AJAP1: variants seen among roughly 807,000 people sequenced by gnomAD.
AJAP1 encodes adherens junction-associated protein 1.
AJAP1 carries 5 observed loss-of-function variants against 35.0 expected under a neutral mutation model. The ratio of observed to expected loss-of-function variants is 0.14; its 90% CI spans 0.07 to 0.30. The LOEUF (loss-of-function observed/expected upper bound fraction) is 0.30, where lower values mean the gene tolerates loss of function less well. AJAP1 is among the 10% of genes least tolerant of loss of function. AJAP1 has a pLI of 1.00. For synonymous variants in AJAP1, 284 were observed against 249.3 expected (o/e 1.14, Z -1.31); for missense variants, 586 against 571.0 (o/e 1.03, Z -0.27).
chr1:4,679,436 C>T (rs1284402564), intron 1 of AJAP1, among the ~76,000 whole-genome samples: 1 of 152,162 alleles, frequency 6.6e-6, no homozygotes, highest in African/African-American at 2.4e-5. Flanking sequence ...TATTAGGGGC[C>T]TCAGATCATA....
chr1:4,743,307 G>A (rs1333871420), intron 2 of AJAP1, among the ~76,000 whole-genome samples: 1 of 152,194 alleles, frequency 6.6e-6, no homozygotes, highest in Non-Finnish European at 1.5e-5. Flanking sequence ...CAGCACAAGA[G>A]CGCACATCTT....
At chr1:4,674,793 C>T (rs1335415132) in intron 1 of AJAP1, among the ~76,000 whole-genome samples, 2 of 152,242 alleles carry the variant, frequency 1.3e-5, no homozygotes, top group Non-Finnish European at 1.5e-5. Context: ...CTGCTTGTCT[C>T]GTGTTTTGGA....
At chr1:4,765,487 T>G (rs2100352625) in intron 2 of AJAP1, among the ~76,000 whole-genome samples, 1 of 151,870 alleles carries the variant, frequency 6.6e-6, no homozygotes, top group East Asian at 1.9e-4. Context: ...GAGACATGAG[T>G]GAAGAAGGAG....
Position 4,787,607 on chromosome 1 carries a change from G to A in AJAP1, c.*5122G>A, listed in dbSNP as rs1642180088. ...AGCAAGAGTGGAAGCAGAGGGGCAG[G>A]GGCAGGGGCAGGATGAGGGCTGCTG... On this transcript the variant is annotated 3_prime_UTR_variant, in exon 6 of 6. Transcript: ENST00000378191. 1 of 444,182 alleles carries A rather than the reference G, an allele frequency of 2.3e-6. No individual in the cohort carries two copies. Among genetic ancestry groups the A allele is most frequent in the Non-Finnish European group, 4.5e-6 (1 of 220,924 alleles). The allele number at this position is 444,182 out of a possible 1,614,324, so 27.5% of individuals were successfully genotyped here.
intron 1 of AJAP1, among the ~76,000 whole-genome samples, chr1:4,676,356 G>C (rs528659112): frequency 2.6e-5 from 4 of 152,314 alleles, no homozygotes; most frequent in Non-Finnish European, 5.9e-5. Flanking sequence ...CTTTGGCAAA[G>C]AAATCCAGAA....
chr1:4,779,437 C>T (rs1009646565), intron 5 of AJAP1, among the ~76,000 whole-genome samples: 2 of 151,688 alleles, frequency 1.3e-5, no homozygotes, highest in African/African-American at 4.8e-5. Flanking sequence ...CACCTTCACA[C>T]GGGAGACTTT....
At chr1:4,683,972 G>A (rs1215399681) in intron 1 of AJAP1, among the ~76,000 whole-genome samples, 1 of 152,160 alleles carries the variant, frequency 6.6e-6, no homozygotes. Flanking sequence ...CAGACACACA[G>A]GGCAGGGTGA....
chr1:4,711,889 C>G lies in AJAP1; in HGVS notation c.30-11C>G. 2 of 1,472,820 alleles carry G rather than the reference C, an allele frequency of 1.4e-6. No homozygotes were observed. Among genetic ancestry groups the G allele is most frequent in the African/African-American group, 1.5e-5 (1 of 67,952 alleles). The allele number at this position is 1,472,820 out of a possible 1,614,324, so 91.2% of individuals were successfully genotyped here. A position where few individuals can be genotyped will look rare whatever the true frequency, so the allele number is the denominator to read the frequency against. On this transcript the variant is annotated splice_polypyrimidine_tract_variant and intron_variant, in intron 1 of 5. Transcript: ENST00000378191. ...CACTGACCGCTCTTCTCTCCTTTCCCCCCCGCACAGCTCCATGTCCATCCG... is the reference window on the plus strand; with the variant it reads ...CACTGACCGCTCTTCTCTCCTTTCCGCCCCGCACAGCTCCATGTCCATCCG...
chr1:4,774,390 A>G (rs776088735), intron 4 of AJAP1, 37 bp from the exon 5 acceptor site: 1 of 1,599,086 alleles, frequency 6.3e-7, no homozygotes, highest in Admixed American at 1.7e-5. Flanking sequence ...ATGGTCAAGT[A>G]CCAGCACGCC....
At chr1:4,700,432 C>A (rs76567602) in intron 1 of AJAP1, among the ~76,000 whole-genome samples, 1 of 152,152 alleles carries the variant, frequency 6.6e-6, no homozygotes, top group Admixed American at 6.5e-5. Context: ...CCTCCTCCCC[C>A]ACCCCAGAGG....
chr1:4,780,466 A>G (rs1440980165), intron 5 of AJAP1, among the ~76,000 whole-genome samples: 1 of 152,106 alleles, frequency 6.6e-6, no homozygotes, highest in East Asian at 1.9e-4. Context: ...TCTGTGTTGT[A>G]ATAATTACTT....
chr1:4,689,684 G>C (rs1314950526), intron 1 of AJAP1, among the ~76,000 whole-genome samples: 1 of 152,220 alleles, frequency 6.6e-6, no homozygotes. Flanking sequence ...GGGGTTGACT[G>C]TTGCTCCCAG....
At chr1:4,765,007 T>C (rs1350583206) in intron 2 of AJAP1, among the ~76,000 whole-genome samples, 1 of 152,204 alleles carries the variant, frequency 6.6e-6, no homozygotes, top group Non-Finnish European at 1.5e-5. Flanking sequence ...AGCTTGGTAA[T>C]CCATCTGTCC....
intron 2 of AJAP1, among the ~76,000 whole-genome samples, chr1:4,759,685 C>G (rs1472937310): frequency 2.0e-5 from 3 of 152,234 alleles, no homozygotes; most frequent in African/African-American, 7.2e-5. Context: ...AGTCACAGCA[C>G]CATGCCTCCA....
At chr1:4,770,864 G>A (rs565763744) in intron 3 of AJAP1, among the ~76,000 whole-genome samples, 7 of 152,240 alleles carry the variant, frequency 4.6e-5, no homozygotes, top group African/African-American at 7.2e-5. Flanking sequence ...CTCGGCTAGC[G>A]AGGCCTCAAA....
At chr1:4,750,399 CAG>C (rs1233766280) in intron 2 of AJAP1, among the ~76,000 whole-genome samples, 1 of 152,202 alleles carries the variant, frequency 6.6e-6, no homozygotes, top group Non-Finnish European at 1.5e-5. Flanking sequence ...GGAGGTGACA[CAG>C]AGCCCTGCAG....
chr1:4,656,467 G>C lies in AJAP1; in HGVS notation c.29+1013G>C, dbSNP rs913196674. Among the ~76,000 whole-genome samples, 1 of 152,200 alleles carries C rather than the reference G, an allele frequency of 6.6e-6. No homozygotes were observed. Among genetic ancestry groups the C allele is most frequent in the Non-Finnish European group, 1.5e-5 (1 of 68,044 alleles). On this transcript the variant is annotated intron_variant, in intron 1 of 5. Transcript: ENST00000378191. This position sits in a 1 kb window ranked among gnomAD's most constrained non-coding sequence, Gnocchi z 5.7. ...GTGCGGTTCTCGAGTTTGTCCACTG[G>C]GATGCACTGCGCTCCCGCGTTGGGG...
chr1:4,756,397 T>C (rs142331248), intron 2 of AJAP1, among the ~76,000 whole-genome samples: 48 of 152,316 alleles, frequency 3.2e-4, no homozygotes, highest in Admixed American at 5.9e-4. Flanking sequence ...TGGCATGGCC[T>C]GACCTTTTCT....
chr1:4,768,980 CAG>C (rs2100357481), intron 2 of AJAP1, among the ~76,000 whole-genome samples: 1 of 152,298 alleles, frequency 6.6e-6, no homozygotes, highest in African/African-American at 2.4e-5. Context: ...GGTTTTGGGA[CAG>C]AGGTGGGGGA....
Sources: gnomAD v4.1 joint callset for allele counts (sites outside exome capture counted in the v4.1 genomes callset) on GRCh38, gnomAD v4.1.1 for gene constraint, Gnocchi (gnomAD v3.1) non-coding constraint, MANE v1.5 for transcripts, NCBI Gene and HGNC (gene_info 2026-07-23, HGNC 2026-07-21) for gene names.